NAV2: variants seen among roughly 807,000 people sequenced by gnomAD.
The protein encoded by NAV2 is helicase, APC down-regulated 1.
A neutral mutation model predicts 223.2 loss-of-function variants in NAV2; 54 were observed. The ratio of observed to expected loss-of-function variants is 0.24; its 90% CI spans 0.19 to 0.30. NAV2 has a LOEUF of 0.30. Ranked by LOEUF, NAV2 falls within the 10% of genes least tolerant of loss-of-function variation. NAV2 has a pLI of 1.00. For synonymous variants in NAV2, 1,279 were observed against 1,239.3 expected (o/e 1.03, Z -0.67); for missense variants, 2,806 against 3,147.5 (o/e 0.89, Z 2.60).
At chr11:19,848,064 T>C (rs1451786578) in intron 3 of NAV2, among the ~76,000 whole-genome samples, 1 of 152,150 alleles carries the variant, frequency 6.6e-6, no homozygotes, top group African/African-American at 2.4e-5. Context: ...GCCCTGGGGC[T>C]CCATAGACTC....
chr11:19,555,022 A>C lies in NAV2; in HGVS notation c.75+203995A>C, dbSNP rs1407074837. On this transcript the variant is annotated intron_variant, in intron 1 of 37. Transcript: ENST00000360655. ...ACATACCATGTTTTGCAAAAAAAAA[A>C]AAAAAATCTTATCTACCCATGTATG... Among the ~76,000 whole-genome samples, 3 of 152,028 alleles carry C rather than the reference A, an allele frequency of 2.0e-5. No individual in the cohort carries two copies. The East Asian group carries it at 5.8e-4, about 29-fold the overall frequency.
At chr11:19,571,442 G>T (rs1448855215) in intron 1 of NAV2, among the ~76,000 whole-genome samples, 2 of 152,182 alleles carry the variant, frequency 1.3e-5, no homozygotes, top group African/African-American at 4.8e-5. Flanking sequence ...TAGGCACAGT[G>T]CCAGCCTGTA....
intron 1 of NAV2, among the ~76,000 whole-genome samples, chr11:19,688,270 T>C (rs2049077389): frequency 1.3e-5 from 2 of 152,212 alleles, no homozygotes; most frequent in African/African-American, 2.4e-5. Flanking sequence ...AACAGAAGAC[T>C]CTGTAAAGGA....
intron 1 of NAV2, chr11:19,777,385 C>T (rs2056334268): frequency 6.9e-6 from 3 of 434,648 alleles, no homozygotes; most frequent in East Asian, 7.2e-5. Flanking sequence ...ACCTGCCGGG[C>T]GCGCGGGCAG....
intron 1 of NAV2, among the ~76,000 whole-genome samples, chr11:19,695,566 A>G (rs2049306121): frequency 6.6e-6 from 1 of 152,142 alleles, no homozygotes; most frequent in African/African-American, 2.4e-5. Context: ...TTATTGTCAT[A>G]AAGAGTTTTG....
At chr11:19,543,070 A>G (rs543360184) in intron 1 of NAV2, among the ~76,000 whole-genome samples, 62 of 152,368 alleles carry the variant, frequency 4.1e-4, no homozygotes, top group African/African-American at 1.3e-3. Flanking sequence ...CTGAGATTCT[A>G]AGAGTTCCTT....
chr11:20,054,008 C>T, intron 17 of NAV2, 72 bp from the exon 18 acceptor site: 3 of 1,427,504 alleles, frequency 2.1e-6, no homozygotes, highest in Admixed American at 2.2e-5. Flanking sequence ...ATATATTTAC[C>T]ATCAGCTCCA....
chr11:20,088,029 C>T (rs1465588522), intron 26 of NAV2, among the ~76,000 whole-genome samples: 2 of 152,080 alleles, frequency 1.3e-5, no homozygotes, highest in Non-Finnish European at 1.5e-5. Flanking sequence ...GAGGAGCCAG[C>T]AGCCAAGCAG....
intron 1 of NAV2, among the ~76,000 whole-genome samples, chr11:19,698,138 G>A (rs1216659312): frequency 1.3e-5 from 2 of 152,162 alleles, no homozygotes; most frequent in African/African-American, 2.4e-5. Context: ...AGAACGGGGT[G>A]TAATCGTTAC....
intron 1 of NAV2, among the ~76,000 whole-genome samples, chr11:19,555,680 G>A (rs2044860997): frequency 6.6e-6 from 1 of 152,150 alleles, no homozygotes; most frequent in African/African-American, 2.4e-5. Flanking sequence ...GGTTGAAAAT[G>A]TGACTCCTTC....
At chr11:19,753,763 T>C (rs139342608) in intron 1 of NAV2, among the ~76,000 whole-genome samples, 2 of 152,226 alleles carry the variant, frequency 1.3e-5, no homozygotes, top group Admixed American at 1.3e-4. Flanking sequence ...TCTCCACTAA[T>C]AGGCAAATTG....
At chr11:19,700,138 T>C (rs7952136) in intron 1 of NAV2, among the ~76,000 whole-genome samples, 7,710 of 152,268 alleles carry the variant, frequency 0.051, 638 homozygotes, top group African/African-American at 0.17. Context: ...AATATGGTAA[T>C]CATAATAATA....
chr11:19,663,195 G>A (rs958074691), intron 1 of NAV2, among the ~76,000 whole-genome samples: 2 of 152,204 alleles, frequency 1.3e-5, no homozygotes, highest in Non-Finnish European at 2.9e-5. Flanking sequence ...GAGAGACAGA[G>A]AGGGGATATG....
At chr11:20,056,724 T>C in intron 19 of NAV2, 5 of 802,418 alleles carry the variant, frequency 6.2e-6, no homozygotes, top group Non-Finnish European at 6.5e-6. Context: ...TAACCAATGA[T>C]AAGAATAGGA....
At chr11:19,485,905 A>G (rs566714874) in intron 1 of NAV2, among the ~76,000 whole-genome samples, 3 of 152,110 alleles carry the variant, frequency 2.0e-5, no homozygotes, top group African/African-American at 7.2e-5. Flanking sequence ...ATTACAGTAT[A>G]CAGGGAAAGC....
intron 1 of NAV2, among the ~76,000 whole-genome samples, chr11:19,353,369 G>A (rs1294633464): frequency 6.6e-6 from 1 of 152,208 alleles, no homozygotes; most frequent in Non-Finnish European, 1.5e-5. Context: ...TGGATGAAAT[G>A]GCTAGTTTAG....
intron 1 of NAV2, among the ~76,000 whole-genome samples, chr11:19,353,463 T>TG (rs1853441451): frequency 6.6e-6 from 1 of 152,194 alleles, no homozygotes; most frequent in African/African-American, 2.4e-5. Context: ...ACTAGAGACC[T>TG]GGGTTCAAAT....
At chr11:19,893,878 T>G (rs1259273794) in intron 6 of NAV2, among the ~76,000 whole-genome samples, 1 of 152,226 alleles carries the variant, frequency 6.6e-6, no homozygotes, top group African/African-American at 2.4e-5. Flanking sequence ...AGTGTGTTTT[T>G]TAAGTGTGCT....
At chr11:19,764,527 C>CTGGTT (rs1311627854) in intron 1 of NAV2, among the ~76,000 whole-genome samples, 1 of 152,180 alleles carries the variant, frequency 6.6e-6, no homozygotes, top group East Asian at 1.9e-4. Flanking sequence ...ACTTGAACCC[C>CTGGTT]TGGTTTGTTT....
Sources: allele counts gnomAD v4.1 joint callset (sites outside exome capture counted in the v4.1 genomes callset), GRCh38; gene constraint gnomAD v4.1.1; transcripts MANE v1.5; gene names NCBI Gene and HGNC (gene_info 2026-07-23, HGNC 2026-07-21).